Variants in PHACTR1 observed in about 807,000 individuals in gnomAD.
The protein encoded by PHACTR1 is phosphatase and actin regulator 1.
PHACTR1 carries 16 observed loss-of-function variants against 69.2 expected under a neutral mutation model. The ratio of observed to expected loss-of-function variants is 0.23; its 90% confidence interval spans 0.16 to 0.35. The LOEUF is 0.35. Ranked by LOEUF, PHACTR1 falls within the 10% of genes least tolerant of loss-of-function variation. The pLI is 1.00. For missense variants in PHACTR1, 510 were observed against 734.7 expected, an observed-to-expected ratio of 0.69 and a Z score of 3.54; for synonymous variants, 312 against 284.5, an observed-to-expected ratio of 1.10 and a Z score of -0.97.
At chr6:13,105,640 T>C (rs1038388083) in intron 5 of PHACTR1, among the ~76,000 whole-genome samples, 5 of 152,174 alleles carry the variant, frequency 3.3e-5, no homozygotes, top group Admixed American at 6.5e-5. Context: ...CTGCCACCCA[T>C]GCTTCTGACT....
At chr6:12,777,243 T>A (rs536495780) in intron 4 of PHACTR1, among the ~76,000 whole-genome samples, 17 of 149,694 alleles carry the variant, frequency 1.1e-4, no homozygotes, top group East Asian at 7.7e-4. Flanking sequence ...ATATATATAT[T>A]TTTTTAATTT....
intron 4 of PHACTR1, among the ~76,000 whole-genome samples, chr6:12,821,187 C>A (rs147314122): frequency 6.6e-6 from 1 of 152,058 alleles, no homozygotes; most frequent in African/African-American, 2.4e-5. Context: ...ACTGGCCAGG[C>A]GTGGTGGCTG....
intron 4 of PHACTR1, among the ~76,000 whole-genome samples, chr6:12,814,010 G>A (rs1775307871): frequency 1.3e-5 from 2 of 152,226 alleles, no homozygotes; most frequent in Non-Finnish European, 1.5e-5. Context: ...GAGCACCGCT[G>A]TTCATTCTCA....
At chr6:13,207,582 A>T (rs548715427) in intron 8 of PHACTR1, among the ~76,000 whole-genome samples, 15 of 151,098 alleles carry the variant, frequency 9.9e-5, no homozygotes, top group Non-Finnish European at 1.6e-4. Flanking sequence ...GTATACACAC[A>T]TGAGTGTATG....
At chr6:12,790,819 A>G (rs1462341967) in intron 4 of PHACTR1, among the ~76,000 whole-genome samples, 1 of 152,220 alleles carries the variant, frequency 6.6e-6, no homozygotes, top group Non-Finnish European at 1.5e-5. Flanking sequence ...TTGAAATTCC[A>G]GGAAGAGAGC....
At chr6:13,007,537 G>A (rs1166646253) in intron 4 of PHACTR1, among the ~76,000 whole-genome samples, 3 of 152,032 alleles carry the variant, frequency 2.0e-5, no homozygotes, top group Non-Finnish European at 2.9e-5. Context: ...TAGCGATACA[G>A]GCTTTAGAAA....
At chr6:12,901,248 A>G (rs1348402576) in intron 4 of PHACTR1, among the ~76,000 whole-genome samples, 2 of 152,210 alleles carry the variant, frequency 1.3e-5, no homozygotes, top group Admixed American at 6.5e-5. Flanking sequence ...CACCGGTACC[A>G]AAAACATTAC....
intron 3 of PHACTR1, among the ~76,000 whole-genome samples, chr6:12,740,137 T>C (rs544558718): frequency 5.5e-4 from 84 of 152,348 alleles, no homozygotes; most frequent in Middle Eastern, 3.4e-3. Flanking sequence ...TCTAAGAGAT[T>C]CGTCCTTGTT....
intron 4 of PHACTR1, among the ~76,000 whole-genome samples, chr6:12,955,180 A>T (rs929211521): frequency 7.8e-6 from 1 of 128,692 alleles, no homozygotes; most frequent in Admixed American, 7.3e-5. Flanking sequence ...TATGGCTCAC[A>T]TTGTATTTCC....
Position 12,718,714 on chromosome 6 carries a change from C to G in PHACTR1, c.-31C>G. On this transcript the variant is annotated 5_prime_UTR_variant, in exon 3 of 15. Transcript: ENST00000332995. The stretch of plus-strand genomic sequence containing the variant: ...CTCTTTATAGGTGTTCCAGTGTTTT[C>G]TCTCAAAACTCTGTGTTTGGAACAT... 7.8e-7 allele frequency: 1 copy of G among 1,282,168 alleles called. No homozygotes were observed. The highest frequency in any genetic ancestry group is 1.1e-6 in the Non-Finnish European group (1 of 924,600). 79.4% of individuals were successfully genotyped at this position (1,282,168 alleles called of 1,614,324 possible).
chr6:13,094,020 T>A (rs933453621), intron 5 of PHACTR1, among the ~76,000 whole-genome samples: 3 of 152,020 alleles, frequency 2.0e-5, no homozygotes, highest in Non-Finnish European at 4.4e-5. Flanking sequence ...CTCAGATGCG[T>A]GCCACCACAC....
chr6:13,266,818 T>C (rs202068), intron 10 of PHACTR1: 124,390 of 152,256 alleles, frequency 0.82, 51,534 homozygotes, highest in Middle Eastern at 0.9. Flanking sequence ...GATCCAATCA[T>C]GTCCCACCAG....
chr6:13,087,985 A>G (rs1812589276), intron 5 of PHACTR1, among the ~76,000 whole-genome samples: 1 of 152,074 alleles, frequency 6.6e-6, no homozygotes, highest in Non-Finnish European at 1.5e-5. Flanking sequence ...TGTCCCTACA[A>G]AAATCACCAT....
intron 4 of PHACTR1, among the ~76,000 whole-genome samples, chr6:12,910,907 A>C (rs940786397): frequency 2.0e-5 from 3 of 152,172 alleles, no homozygotes; most frequent in African/African-American, 7.2e-5. Context: ...TACACATAGA[A>C]CTGTGGCGCA....
chr6:13,104,619 T>C (rs1815785789), intron 5 of PHACTR1, among the ~76,000 whole-genome samples: 1 of 152,228 alleles, frequency 6.6e-6, no homozygotes, highest in Non-Finnish European at 1.5e-5. Flanking sequence ...TATGAAACTC[T>C]TAATTGATAC....
intron 5 of PHACTR1, among the ~76,000 whole-genome samples, chr6:13,131,139 A>ACG (rs1561872422): frequency 6.6e-6 from 1 of 150,722 alleles, no homozygotes; most frequent in African/African-American, 2.4e-5. Context: ...ATATATATAC[A>ACG]TATATATACA....
intron 4 of PHACTR1, among the ~76,000 whole-genome samples, chr6:13,018,531 C>T (rs955835229): frequency 1.3e-5 from 2 of 152,092 alleles, no homozygotes; most frequent in African/African-American, 4.8e-5. Flanking sequence ...ATTGTTACCC[C>T]CCAAGTCCAG....
chr6:12,873,490 C>T (rs529730758), intron 4 of PHACTR1, among the ~76,000 whole-genome samples: 17 of 151,798 alleles, frequency 1.1e-4, no homozygotes, highest in African/African-American at 3.6e-4. Context: ...CACATAAGTG[C>T]GTTACTGAGC....
intron 4 of PHACTR1, among the ~76,000 whole-genome samples, chr6:12,980,331 C>T (rs1422616332): frequency 6.6e-6 from 1 of 152,074 alleles, no homozygotes; most frequent in Non-Finnish European, 1.5e-5. Flanking sequence ...AATCCATCTG[C>T]CCACTAGCCT....
Sources: allele counts gnomAD v4.1 joint callset (sites outside exome capture counted in the v4.1 genomes callset), GRCh38; gene constraint gnomAD v4.1.1; transcripts MANE v1.5; gene names NCBI Gene and HGNC (gene_info 2026-07-23, HGNC 2026-07-21).